ARHGAP26: variants seen among roughly 807,000 people sequenced by gnomAD.
ARHGAP26 encodes the protein Rho GTPase activating protein 26.
Under a neutral mutation model 104.8 loss-of-function variants are expected in ARHGAP26, and 38 were observed. The observed-to-expected ratio is 0.36, with a 90% confidence interval of 0.28 to 0.48. The LOEUF is 0.48. ARHGAP26 is among the 20% of genes least tolerant of loss of function. The pLI, the probability that ARHGAP26 is intolerant of heterozygous loss-of-function variation, is 0.99. For synonymous variants in ARHGAP26, 341 were observed against 340.0 expected (o/e 1.00, Z -0.03); for missense variants, 704 against 947.9 (o/e 0.74, Z 3.38).
Position 142,874,047 on chromosome 5 carries a change from C to T in ARHGAP26, c.250+552C>T, listed in dbSNP as rs78583368. ...CCTGGCAGCAGTTGGCTGAGCTATG[C>T]GTCTGCCACTGCCTTCAGATAGGGA... On this transcript the variant is annotated intron_variant, in intron 2 of 22. Coordinates refer to ENST00000645722, the MANE Select transcript of ARHGAP26 (RefSeq NM_001135608.3). Among the ~76,000 whole-genome samples the T allele has an allele frequency of 2.5e-3, 380 of 152,262 alleles. 9 individuals are homozygous for T. The East Asian group carries it at 0.042, about 17-fold the overall frequency.
At chr5:143,079,170 C>A (rs925774815) in intron 17 of ARHGAP26, among the ~76,000 whole-genome samples, 7 of 152,172 alleles carry the variant, frequency 4.6e-5, no homozygotes, top group Non-Finnish European at 8.8e-5. Context: ...TGTCTGAGTG[C>A]AAAGTCAGTT....
At chr5:142,857,670 A>G (rs956858120) in intron 1 of ARHGAP26, among the ~76,000 whole-genome samples, 1 of 152,052 alleles carries the variant, frequency 6.6e-6, no homozygotes, top group African/African-American at 2.4e-5. Context: ...GGGTTTTTCC[A>G]CGGTTCTTCT....
chr5:142,942,665 A>G (rs1766534562), intron 11 of ARHGAP26, among the ~76,000 whole-genome samples: 1 of 152,246 alleles, frequency 6.6e-6, no homozygotes, highest in African/African-American at 2.4e-5. Context: ...CTTTGCAAAT[A>G]TATTTAGAGA....
chr5:142,826,679 TG>T (rs1767353158), intron 1 of ARHGAP26, among the ~76,000 whole-genome samples: 1 of 152,144 alleles, frequency 6.6e-6, no homozygotes, highest in African/African-American at 2.4e-5. Flanking sequence ...ACCCATGAGG[TG>T]GGGTGATTCC....
At chr5:143,122,091 C>T (rs985289396) in intron 18 of ARHGAP26, among the ~76,000 whole-genome samples, 1 of 152,090 alleles carries the variant, frequency 6.6e-6, no homozygotes, top group African/African-American at 2.4e-5. Context: ...GTACCCTTGG[C>T]CTGACAATTC....
At chr5:143,150,132 C>T (rs1192834226) in intron 20 of ARHGAP26, among the ~76,000 whole-genome samples, 2 of 152,130 alleles carry the variant, frequency 1.3e-5, no homozygotes, top group South Asian at 2.1e-4. Context: ...AAATCTTTGG[C>T]AGGTCCTCAG....
chr5:143,018,887 G>A (rs1269833116), intron 12 of ARHGAP26, among the ~76,000 whole-genome samples: 4 of 152,016 alleles, frequency 2.6e-5, no homozygotes, highest in African/African-American at 4.8e-5. Context: ...TTTTCTTTGC[G>A]AGTGCATTGA....
At chr5:142,963,748 T>G (rs545148084) in intron 11 of ARHGAP26, among the ~76,000 whole-genome samples, 3 of 152,336 alleles carry the variant, frequency 2.0e-5, no homozygotes, top group African/African-American at 7.2e-5. Flanking sequence ...AATCACCTGC[T>G]TATCTTCTGT....
chr5:142,924,094 C>T (rs1763570910), intron 10 of ARHGAP26, among the ~76,000 whole-genome samples: 1 of 152,088 alleles, frequency 6.6e-6, no homozygotes, highest in East Asian at 1.9e-4. Context: ...GATCTCCTGA[C>T]CTCGCGATCC....
intron 17 of ARHGAP26, among the ~76,000 whole-genome samples, chr5:143,089,507 G>T (rs1385835434): frequency 6.6e-6 from 1 of 152,214 alleles, no homozygotes; most frequent in Non-Finnish European, 1.5e-5. Flanking sequence ...GGGTGGTGGT[G>T]TTTTGGGATG....
intron 17 of ARHGAP26, among the ~76,000 whole-genome samples, chr5:143,082,792 A>C (rs1006611081): frequency 1.1e-4 from 16 of 152,358 alleles, no homozygotes; most frequent in African/African-American, 3.8e-4. Flanking sequence ...TTTGAATTTC[A>C]TAAAATAAGA....
intron 18 of ARHGAP26, among the ~76,000 whole-genome samples, chr5:143,133,162 C>T (rs1292346669): frequency 6.6e-6 from 1 of 152,022 alleles, no homozygotes; most frequent in Non-Finnish European, 1.5e-5. Context: ...GTCATGATTT[C>T]TATCATTTTC....
intron 12 of ARHGAP26, 44 bp downstream of exon 12, chr5:143,014,160 G>A (rs1779272553): frequency 6.2e-7 from 1 of 1,610,542 alleles, no homozygotes; most frequent in South Asian, 1.1e-5. Context: ...AGGGTTGGGA[G>A]TAGGCTTTGA....
At chr5:142,869,243 G>A (rs1023343713) in intron 1 of ARHGAP26, among the ~76,000 whole-genome samples, 14 of 136,606 alleles carry the variant, frequency 1.0e-4, no homozygotes, top group African/African-American at 3.9e-4. Flanking sequence ...GTCTCACACT[G>A]TCGCCTAGGC....
At chr5:143,163,838 T>G (rs1476920351) in intron 20 of ARHGAP26, among the ~76,000 whole-genome samples, 3 of 152,130 alleles carry the variant, frequency 2.0e-5, no homozygotes, top group African/African-American at 4.8e-5. Context: ...TGTCCCCAAT[T>G]TTTTGTTTTT....
rs984545883 is a variant in ARHGAP26 at position 143,037,991 on chromosome 5, T to C, written c.1210+730T>C. Among the ~76,000 whole-genome samples the C allele has an allele frequency of 5.3e-5, 8 of 152,356 alleles. No individual in the cohort carries two copies. In the East Asian group the frequency reaches 1.4e-3, roughly 26 times the overall value. The stretch of plus-strand genomic sequence containing the variant: ...GATCAAGGAGGCTGGTTCATCCTGA[T>C]GGTCTCCATCCCTTCTTCAGAGACA... On this transcript the variant is annotated intron_variant, in intron 13 of 22. Transcript: ENST00000645722.
intron 12 of ARHGAP26, among the ~76,000 whole-genome samples, chr5:143,019,689 G>T (rs1780062193): frequency 6.6e-6 from 1 of 152,190 alleles, no homozygotes; most frequent in Non-Finnish European, 1.5e-5. Flanking sequence ...TAAGAGAAGG[G>T]CAGGCTCTTA....
rs547602694 is a variant in ARHGAP26, at chr5:142,866,074, C to T, written c.155-7326C>T. 3.4e-4 allele frequency among the ~76,000 whole-genome samples: 52 copies of T among 151,972 alleles called. No homozygotes were observed. The South Asian group carries it at 9.3e-3, about 27-fold the overall frequency. On this transcript the variant is annotated intron_variant, in intron 1 of 22. Coordinates refer to ENST00000645722, the MANE Select transcript of ARHGAP26 (RefSeq NM_001135608.3). ...GGAAGCCCCCTCCAATGGCCCTAGC[C>T]GGAATAATATCCCACTTGCATTTCT...
chr5:142,863,734 G>A (rs938768984), intron 1 of ARHGAP26, among the ~76,000 whole-genome samples: 1 of 152,174 alleles, frequency 6.6e-6, no homozygotes, highest in Non-Finnish European at 1.5e-5. Context: ...AATTAGAAAT[G>A]TAGACTCTCG....
Sources: allele counts gnomAD v4.1 joint callset (sites outside exome capture counted in the v4.1 genomes callset), GRCh38; gene constraint gnomAD v4.1.1; transcripts MANE v1.5; gene names NCBI Gene and HGNC (gene_info 2026-07-23, HGNC 2026-07-21).